The following XYLT1 variants were observed in gnomAD, a reference collection of about 807,000 sequenced individuals.
XYLT1 encodes xylosyltransferase 1, also known as beta-D-xylosyltransferase 1.
In XYLT1, 36 loss-of-function variants were observed where a neutral mutation model predicts 91.3. That is an observed-to-expected ratio of 0.39 (90% CI 0.30 to 0.52). The LOEUF is 0.52. XYLT1 is among the 20% of genes least tolerant of loss of function. The pLI is 0.68. For synonymous variants in XYLT1, 588 were observed against 532.0 expected, an observed-to-expected ratio of 1.11 and a Z score of -1.45; for missense variants, 1,242 against 1,284.5, an observed-to-expected ratio of 0.97 and a Z score of 0.51.
intron 1 of XYLT1, among the ~76,000 whole-genome samples, chr16:17,405,533 A>T (rs1371462604): frequency 6.6e-6 from 1 of 152,180 alleles, no homozygotes; most frequent in Non-Finnish European, 1.5e-5. Context: ...AGCAGCAGGG[A>T]GCCCTTGGCA....
chr16:17,138,558 G>GT, intron 7 of XYLT1, 27 bp from the exon 8 acceptor site: 1 of 1,605,828 alleles, frequency 6.2e-7, no homozygotes, highest in Non-Finnish European at 8.5e-7. Context: ...GACCCAGCCT[G>GT]AGACCTCTCC....
intron 5 of XYLT1, among the ~76,000 whole-genome samples, chr16:17,166,492 G>A (rs114566951): frequency 6.6e-6 from 1 of 151,944 alleles, no homozygotes; most frequent in Non-Finnish European, 1.5e-5. Flanking sequence ...CTGCCCCATG[G>A]GAAGGGCTCA....
At position 17,193,898 on chromosome 16, in the gene XYLT1, C is replaced by G. The variant is rs899705812; in HGVS notation, c.1289+4314G>C. On this transcript the variant is annotated intron_variant, in intron 5 of 11. Transcript: ENST00000261381. ...GCATAAAGTGCCTCTGGCTATGAGG[C>G]TGGCAAAGAAGAGTGGGCAAAGGAA... 3 of 152,156 alleles carry G rather than the reference C, an allele frequency of 2.0e-5. No individual in the cohort carries two copies. In the East Asian group the frequency reaches 5.8e-4, roughly 29 times the overall value. 9.4% of individuals were successfully genotyped at this position (152,156 alleles called of 1,614,324 possible). A position where few individuals can be genotyped will look rare whatever the true frequency, so the allele number is the denominator to read the frequency against.
In XYLT1 at chr16:17,127,847, C is replaced by A. The variant is rs760286170; in HGVS notation, c.2042G>T (p.Gly681Val). ...GTAGAGGTGCACAGATGCTGGGTGG[C>A]CCATTGGGTAGTATCTGAAAACACA... Reference protein sequence around the residue: ...GENSCRYYPMGHPASVHLYFL... With the variant: ...GENSCRYYPMVHPASVHLYFL... Residue 681 changes from glycine to valine, a missense_variant, in exon 10 of 12, where the codon GGC becomes GTC. Around this residue, in one of 3 missense-constraint regions of XYLT1, gnomAD observed 511 missense variants for 497.0 expected, o/e 1.03. Transcript: ENST00000261381. 11 of 1,613,654 alleles carry A rather than the reference C, an allele frequency of 6.8e-6. No individual in the cohort carries two copies. The highest frequency in any genetic ancestry group is 3.3e-4 in the Middle Eastern group (2 of 6,026).
At chr16:17,113,434 C>T (rs1330217865) in intron 11 of XYLT1, among the ~76,000 whole-genome samples, 2 of 152,234 alleles carry the variant, frequency 1.3e-5, no homozygotes, top group Admixed American at 6.5e-5. Flanking sequence ...TGAGCCACTG[C>T]ACCAGGCCAT....
At chr16:17,203,253 T>C (rs1479959310) in intron 3 of XYLT1, among the ~76,000 whole-genome samples, 1 of 152,206 alleles carries the variant, frequency 6.6e-6, no homozygotes, top group Non-Finnish European at 1.5e-5. Flanking sequence ...TAGGCATGCA[T>C]TTAAGGACTA....
In XYLT1 at chr16:17,319,063, C is replaced by T. The variant is rs2034678425; in HGVS notation, c.402+38949G>A. 2.0e-5 allele frequency among the ~76,000 whole-genome samples: 3 copies of T among 152,266 alleles called. No homozygotes were observed. In the South Asian group the frequency reaches 6.2e-4, roughly 32 times the overall value. On this transcript the variant is annotated intron_variant, in intron 2 of 11. Coordinates refer to ENST00000261381, the MANE Select transcript of XYLT1 (RefSeq NM_022166.4). Reference sequence around the variant, plus strand: ...TACGCCTTCCAAAGTGCTGGGATTACAAGCATGAGCCACCATGCCTGGCCT... The same window carrying T: ...TACGCCTTCCAAAGTGCTGGGATTATAAGCATGAGCCACCATGCCTGGCCT...
intron 3 of XYLT1, among the ~76,000 whole-genome samples, chr16:17,212,725 T>C (rs1488842035): frequency 1.3e-5 from 2 of 152,170 alleles, no homozygotes; most frequent in East Asian, 3.9e-4. Context: ...AACCGTCTTA[T>C]TGATTTTATT....
chr16:17,348,564 G>A (rs114157426), intron 2 of XYLT1, among the ~76,000 whole-genome samples: 12 of 152,034 alleles, frequency 7.9e-5, no homozygotes, highest in African/African-American at 2.7e-4. Context: ...GAGCACCTTC[G>A]CCAAGGGATG....
At position 17,200,576 on chromosome 16, in the gene XYLT1, A is replaced by C; in HGVS notation, c.992T>G (p.Val331Gly). 2 of 1,614,206 alleles carry C rather than the reference A, an allele frequency of 1.2e-6. No homozygotes were observed. Residue 331 changes from valine (V) to glycine (G), a missense_variant, in exon 4 of 12, where the codon GTC (valine) becomes GGC (glycine). This residue lies in a region of XYLT1 where 294 missense variants were observed against 376.0 expected (regional missense o/e 0.78). Transcript: ENST00000261381. The part of the protein sequence containing the change: ...MPANPVRIAF[V>G]LVVHGRASRQ... Reference sequence around the variant, plus strand: ...AGAGGCACGGCCGTGGACCACCAGGACAAAGGCGATTCTGACCGGGTTGGC... The same window carrying C: ...AGAGGCACGGCCGTGGACCACCAGGCCAAAGGCGATTCTGACCGGGTTGGC...
rs2036981647 is a variant in XYLT1 at position 17,470,820 on chromosome 16, A to C, written c.-24T>G. On this transcript the variant is annotated 5_prime_UTR_variant, in exon 1 of 12. Coordinates refer to ENST00000261381, the MANE Select transcript of XYLT1 (RefSeq NM_022166.4). ...ATCTTCGGAGCGCGGCCGGCGAGCG[A>C]GGCGCGGGGACCCCGGCACGCTCCG... is the stretch of plus-strand genomic sequence containing the variant. 1.0e-6 allele frequency: 1 copy of C among 986,186 alleles called. No homozygotes were observed. The highest frequency in any genetic ancestry group is 1.8e-5 in the African/African-American group (1 of 55,118). 61.1% of individuals were successfully genotyped at this position (986,186 alleles called of 1,614,324 possible). A position where few individuals can be genotyped will look rare whatever the true frequency, so the allele number is the denominator to read the frequency against.
intron 2 of XYLT1, among the ~76,000 whole-genome samples, chr16:17,339,235 C>T (rs2035032068): frequency 6.6e-6 from 1 of 152,088 alleles, no homozygotes; most frequent in Non-Finnish European, 1.5e-5. Context: ...TTGTACATAC[C>T]CGCTGATGAA....
chr16:17,423,615 T>TC (rs968145041), intron 1 of XYLT1, among the ~76,000 whole-genome samples: 1 of 151,838 alleles, frequency 6.6e-6, no homozygotes, highest in Non-Finnish European at 1.5e-5. Context: ...CTTTCTTTTT[T>TC]CTCTTTTTTT....
chr16:17,253,883 C>A (rs1184890911), intron 3 of XYLT1, among the ~76,000 whole-genome samples: 1 of 150,098 alleles, frequency 6.7e-6, no homozygotes, highest in Non-Finnish European at 1.5e-5. Context: ...GGTGGAAGAA[C>A]ACCTCTGGGG....
intron 1 of XYLT1, among the ~76,000 whole-genome samples, chr16:17,407,269 G>A (rs773593816): frequency 2.6e-5 from 4 of 152,114 alleles, no homozygotes; most frequent in Non-Finnish European, 5.9e-5. Flanking sequence ...AAAGTGCTAG[G>A]ATTACAGGCA....
chr16:17,382,842 A>G (rs2035698855), intron 1 of XYLT1, among the ~76,000 whole-genome samples: 1 of 151,884 alleles, frequency 6.6e-6, no homozygotes. Flanking sequence ...AGACCGCAAG[A>G]AGGAGTAACT....
At chr16:17,219,308 GAAAA>G (rs1180237821) in intron 3 of XYLT1, among the ~76,000 whole-genome samples, 1 of 135,168 alleles carries the variant, frequency 7.4e-6, no homozygotes, top group African/African-American at 2.9e-5. Context: ...AAAAGAAAAA[GAAAA>G]AAAAAGAGAA....
chr16:17,430,455 T>C (rs956716378), intron 1 of XYLT1, among the ~76,000 whole-genome samples: 1 of 152,212 alleles, frequency 6.6e-6, no homozygotes, highest in African/African-American at 2.4e-5. Context: ...CTGTACATGG[T>C]TCTGTTTCCC....
At chr16:17,426,623 A>T (rs1367005360) in intron 1 of XYLT1, among the ~76,000 whole-genome samples, 1 of 152,238 alleles carries the variant, frequency 6.6e-6, no homozygotes, top group Non-Finnish European at 1.5e-5. Context: ...AGTGAGTCAG[A>T]TCCAGTCTAC....
Sources: gnomAD v4.1 joint callset for allele counts (sites outside exome capture counted in the v4.1 genomes callset) on GRCh38, gnomAD v4.1.1 for gene constraint, gnomAD v4.1.1 regional missense constraint, MANE v1.5 for transcripts, NCBI Gene and HGNC (gene_info 2026-07-23, HGNC 2026-07-21) for gene names.